SGMS1: variants seen among roughly 807,000 people sequenced by gnomAD.
SGMS1 encodes sphingomyelin synthase 1.
SGMS1 carries 13 observed loss-of-function variants against 46.2 expected under a neutral mutation model. That is an observed-to-expected ratio of 0.28 (90% CI 0.18 to 0.45). The LOEUF (loss-of-function observed/expected upper bound fraction) is 0.45. Among genes scored for constraint, SGMS1 ranks in the 20% least tolerant of loss-of-function variants. The pLI is 1.00. For synonymous variants in SGMS1, 203 were observed against 187.8 expected (o/e 1.08, Z -0.66); for missense variants, 324 against 519.9 (o/e 0.62, Z 3.66).
intron 2 of SGMS1, among the ~76,000 whole-genome samples, chr10:50,554,864 G>A (rs1048741403): frequency 6.6e-6 from 1 of 152,084 alleles, no homozygotes. Flanking sequence ...ACAATATGTC[G>A]TGGACATCCT....
intron 4 of SGMS1, among the ~76,000 whole-genome samples, chr10:50,462,993 C>T (rs867197449): frequency 7.2e-5 from 11 of 151,898 alleles, no homozygotes; most frequent in Admixed American, 4.6e-4. Flanking sequence ...AAAAAAGACC[C>T]TTACCCCACA....
chr10:50,591,875 C>G (rs1251762872), intron 1 of SGMS1, among the ~76,000 whole-genome samples: 3 of 152,230 alleles, frequency 2.0e-5, no homozygotes, highest in Non-Finnish European at 4.4e-5. Context: ...ATCTGCTAAT[C>G]ACCAGAATTC....
At chr10:50,324,760 A>G (rs1847502965) in intron 8 of SGMS1, among the ~76,000 whole-genome samples, 1 of 152,246 alleles carries the variant, frequency 6.6e-6, no homozygotes, top group African/African-American at 2.4e-5. Flanking sequence ...GGAAACATAG[A>G]GCGACACAAG....
At chr10:50,391,222 C>T (rs1176234415) in intron 6 of SGMS1, among the ~76,000 whole-genome samples, 2 of 152,128 alleles carry the variant, frequency 1.3e-5, no homozygotes, top group African/African-American at 2.4e-5. Context: ...TCTAGGAGAC[C>T]ACAGACCTAA....
rs10625082 is a variant in SGMS1, at chr10:50,430,470, C to CAAAA, written c.-232+3002_-232+3005dup. On this transcript the variant is annotated intron_variant, in intron 6 of 10. Transcript: ENST00000361781. ...CGGCATAGAAAAGTATGGCAGAATA[C>CAAAA]AAAAAAAAAAAAAAGCAATGTTAAT... is the stretch of plus-strand genomic sequence containing the variant. Among the ~76,000 whole-genome samples the CAAAA allele has an allele frequency of 2.7e-3, 364 of 136,220 alleles. 7 individuals are homozygous for CAAAA. Among genetic ancestry groups the CAAAA allele is most frequent in the South Asian group, 0.023 (97 of 4,310 alleles). The allele number at this position is 136,220 out of a possible 152,430, so 89.4% of individuals were successfully genotyped here. A position where few individuals can be genotyped will look rare whatever the true frequency, so the allele number is the denominator to read the frequency against.
intron 8 of SGMS1, among the ~76,000 whole-genome samples, chr10:50,324,566 C>T (rs1221567585): frequency 6.6e-6 from 1 of 152,234 alleles, no homozygotes; most frequent in Non-Finnish European, 1.5e-5. Context: ...AGGATTCTAG[C>T]CCTTGCCTGA....
Position 50,424,007 on chromosome 10 carries a change from C to A in SGMS1, c.-232+9469G>T, listed in dbSNP as rs538251210. On this transcript the variant is annotated intron_variant, in intron 6 of 10. Coordinates refer to ENST00000361781, the MANE Select transcript of SGMS1 (RefSeq NM_147156.4). ...TGCAAGGCAGATATTAACAACTACACTGAACGCGCAAAGAAACAGGGAGTC... is the reference window on the plus strand; with the variant it reads ...TGCAAGGCAGATATTAACAACTACAATGAACGCGCAAAGAAACAGGGAGTC... 4.5e-4 allele frequency among the ~76,000 whole-genome samples: 68 copies of A among 152,314 alleles called. No individual in the cohort carries two copies. The Middle Eastern group carries it at 0.014, about 30-fold the overall frequency.
At chr10:50,611,376 C>T (rs1838747653) in intron 1 of SGMS1, among the ~76,000 whole-genome samples, 1 of 152,218 alleles carries the variant, frequency 6.6e-6, no homozygotes, top group Admixed American at 6.5e-5. Flanking sequence ...CCCCATTTCA[C>T]ATGAGAAAGC....
chr10:50,624,648 C>A, upstream of SGMS1: 1 of 985,472 alleles, frequency 1.0e-6, no homozygotes, highest in Non-Finnish European at 1.2e-6. Context: ...ACCCGGAGAG[C>A]GGCTAGGCCG....
At chr10:50,544,589 T>A (rs1304690783) in intron 2 of SGMS1, among the ~76,000 whole-genome samples, 1 of 152,326 alleles carries the variant, frequency 6.6e-6, no homozygotes, top group East Asian at 1.9e-4. Context: ...AGACAATGTA[T>A]CAGATCTGAC....
chr10:50,598,058 C>G (rs1017072256), intron 1 of SGMS1, among the ~76,000 whole-genome samples: 3 of 151,526 alleles, frequency 2.0e-5, no homozygotes, highest in African/African-American at 7.3e-5. Flanking sequence ...TTGCTACACA[C>G]TGAATGCTTG....
intron 6 of SGMS1, among the ~76,000 whole-genome samples, chr10:50,350,161 TTA>T (rs1847982617): frequency 6.6e-6 from 1 of 152,204 alleles, no homozygotes; most frequent in Admixed American, 6.5e-5. Flanking sequence ...GGTACTCTTG[TTA>T]TGTTTCAGCA....
chr10:50,562,291 T>A (rs1838244372), intron 2 of SGMS1, among the ~76,000 whole-genome samples: 1 of 150,722 alleles, frequency 6.6e-6, no homozygotes, highest in East Asian at 1.9e-4. Flanking sequence ...GTTTGGTGTA[T>A]CTGCTACAGG....
chr10:50,572,932 T>C (rs1838348616), intron 2 of SGMS1, among the ~76,000 whole-genome samples: 1 of 152,184 alleles, frequency 6.6e-6, no homozygotes, highest in African/African-American at 2.4e-5. Flanking sequence ...GTCCCTATTA[T>C]CACTGTTGCA....
At chr10:50,595,541 G>T (rs1016551490) in intron 1 of SGMS1, among the ~76,000 whole-genome samples, 4 of 152,188 alleles carry the variant, frequency 2.6e-5, no homozygotes, top group African/African-American at 4.8e-5. Flanking sequence ...TTTTATAGGT[G>T]AAGAATCACA....
In SGMS1 at chr10:50,587,380, A is replaced by G. The variant is rs553928447; in HGVS notation, c.-589+2773T>C. On this transcript the variant is annotated intron_variant, in intron 2 of 10. Transcript: ENST00000361781. ...CCGGGCGTGGCAGCTCACGCCTATA[A>G]TTCCACCACTTTGGGAGGCCAAGGC... Among the ~76,000 whole-genome samples the G allele has an allele frequency of 7.2e-5, 11 of 152,354 alleles. 1 individual carries two copies. The South Asian group carries it at 2.3e-3, about 32-fold the overall frequency.
At chr10:50,612,704 T>TTTG (rs370196874) in intron 1 of SGMS1, among the ~76,000 whole-genome samples, 279 of 152,184 alleles carry the variant, frequency 1.8e-3, no homozygotes, top group Middle Eastern at 0.01. Flanking sequence ...CACTTTGTTG[T>TTTG]TTGTTGTTGT....
intron 3 of SGMS1, among the ~76,000 whole-genome samples, chr10:50,480,756 T>A (rs1837469376): frequency 6.6e-6 from 1 of 152,134 alleles, no homozygotes. Flanking sequence ...CTACCTAAGA[T>A]GACTGAGTTC....
chr10:50,373,833 C>T (rs571057268), intron 6 of SGMS1, among the ~76,000 whole-genome samples: 2 of 152,274 alleles, frequency 1.3e-5, no homozygotes, highest in East Asian at 1.9e-4. Flanking sequence ...ATAAAATAAC[C>T]ATTAGCAGTC....
Sources: allele counts gnomAD v4.1 joint callset (sites outside exome capture counted in the v4.1 genomes callset), GRCh38; gene constraint gnomAD v4.1.1; transcripts MANE v1.5; gene names NCBI Gene and HGNC (gene_info 2026-07-23, HGNC 2026-07-21).